Variants in MYBPC1 observed in about 807,000 individuals in gnomAD.
MYBPC1 encodes myosin-binding protein C, slow-type.
MYBPC1 carries 52 observed loss-of-function variants against 147.1 expected under a neutral mutation model. The ratio of observed to expected loss-of-function variants is 0.35; its 90% CI spans 0.28 to 0.45. MYBPC1 has a LOEUF of 0.45. Among genes scored for constraint, MYBPC1 ranks in the 20% least tolerant of loss-of-function variants. The pLI is 1.00. For missense variants in MYBPC1, 1,228 were observed against 1,440.3 expected (o/e 0.85, Z 2.39); for synonymous variants, 477 against 475.9 (o/e 1.00, Z -0.03).
chr12:101,599,914 G>A (rs970842544), intron 1 of MYBPC1, among the ~76,000 whole-genome samples: 3 of 152,202 alleles, frequency 2.0e-5, no homozygotes, highest in African/African-American at 4.8e-5. Context: ...GCAAATGCGT[G>A]CTAGAGGGGC....
chr12:101,610,816 G>A (rs1411878986), intron 1 of MYBPC1, among the ~76,000 whole-genome samples: 1 of 152,144 alleles, frequency 6.6e-6, no homozygotes, highest in African/African-American at 2.4e-5. Flanking sequence ...CCTCTGCCTT[G>A]TCCAACATAG....
At chr12:101,647,282 G>A (rs1893391416) in intron 13 of MYBPC1, among the ~76,000 whole-genome samples, 1 of 152,162 alleles carries the variant, frequency 6.6e-6, no homozygotes, top group Non-Finnish European at 1.5e-5. Flanking sequence ...GAAAAGAGCT[G>A]GAGGGTGTGA....
At chr12:101,686,781 T>C (rs904056350), downstream of MYBPC1, among the ~76,000 whole-genome samples, 1 of 152,134 alleles carries the variant, frequency 6.6e-6, no homozygotes, top group Admixed American at 6.5e-5. Context: ...AGTTCTATGG[T>C]GGTCATGGAT....
intron 12 of MYBPC1, among the ~76,000 whole-genome samples, chr12:101,646,199 T>A (rs1593868685): frequency 6.6e-6 from 1 of 152,104 alleles, no homozygotes; most frequent in Non-Finnish European, 1.5e-5. Context: ...GATTTTTATT[T>A]GAAATAAAAA....
chr12:101,626,088 CAAAAAAAAA>C (rs769008600), intron 3 of MYBPC1, among the ~76,000 whole-genome samples: 1 of 55,076 alleles, frequency 1.8e-5, no homozygotes, highest in African/African-American at 6.5e-5. Context: ...AACTCTGTCT[CAAAAAAAAA>C]AAAAAAAAAA....
At chr12:101,677,143 A>C in intron 26 of MYBPC1, 92 bp from the exon 27 acceptor site, 1 of 1,293,480 alleles carries the variant, frequency 7.7e-7, no homozygotes, top group Non-Finnish European at 1.1e-6. Context: ...TTTTGTTAAT[A>C]AAGCATCCTT....
At chr12:101,655,074 G>C (rs913133733) in intron 18 of MYBPC1, among the ~76,000 whole-genome samples, 1 of 152,050 alleles carries the variant, frequency 6.6e-6, no homozygotes, top group Non-Finnish European at 1.5e-5. Context: ...TCAAAATGAG[G>C]AGAAAAGTCA....
In MYBPC1 at chr12:101,608,990, A is replaced by G. The variant is rs12298254; in HGVS notation, c.26-5506A>G. The stretch of plus-strand genomic sequence containing the variant: ...TATGGATTTCTTGGCAGCAAGGAGA[A>G]GCGGCTTTTGTGCAGGGAGGAACAG... On this transcript the variant is annotated intron_variant, in intron 1 of 31. Transcript: ENST00000361466. Among the ~76,000 whole-genome samples, 1,518 of 152,154 alleles carry G rather than the reference A, an allele frequency of 1.0e-2. 22 individuals carry two copies. Among genetic ancestry groups the G allele is most frequent in the African/African-American group, 0.034 (1,432 of 41,532 alleles).
chr12:101,658,909 T>C (rs183547043), intron 18 of MYBPC1, among the ~76,000 whole-genome samples: 18 of 152,300 alleles, frequency 1.2e-4, no homozygotes, highest in Admixed American at 5.2e-4. Context: ...AGTTTCTAAA[T>C]TACTTTGACC....
At chr12:101,686,688 G>A (rs1951352662), downstream of MYBPC1, among the ~76,000 whole-genome samples, 1 of 152,030 alleles carries the variant, frequency 6.6e-6, no homozygotes, top group Admixed American at 6.5e-5. Flanking sequence ...TAAATATATT[G>A]TGACTTGTTG....
chr12:101,646,657 C>G (rs2136231531), intron 12 of MYBPC1, 106 bp from the exon 13 acceptor site: 1 of 1,330,244 alleles, frequency 7.5e-7, no homozygotes, highest in East Asian at 2.4e-5. Flanking sequence ...ACAACAGATC[C>G]TTGACTTTCA....
chr12:101,667,675 G>C, intron 22 of MYBPC1, 57 bp from the exon 23 acceptor site: 7 of 1,595,766 alleles, frequency 4.4e-6, no homozygotes, highest in Non-Finnish European at 6.0e-6. Context: ...TGGTTAAGAT[G>C]ATTTTTTTCA....
intron 1 of MYBPC1, among the ~76,000 whole-genome samples, chr12:101,602,283 C>T (rs1159664861): frequency 5.3e-5 from 8 of 152,126 alleles, no homozygotes; most frequent in African/African-American, 1.4e-4. Flanking sequence ...GGCATGATCT[C>T]GGCTCACTGC....
the MYBPC1 span, among the ~76,000 whole-genome samples, chr12:101,695,264 T>C: frequency 6.6e-6 from 1 of 152,172 alleles, no homozygotes; most frequent in South Asian, 2.1e-4. Context: ...ATATGTACTA[T>C]GTTGTTTCTA....
downstream of MYBPC1, among the ~76,000 whole-genome samples, chr12:101,687,919 T>C (rs1213145746): frequency 3.9e-5 from 6 of 152,216 alleles, no homozygotes. Context: ...CTTTTCTACA[T>C]ATAATCTTTC....
At chr12:101,624,754 T>C (rs568536196) in intron 3 of MYBPC1, among the ~76,000 whole-genome samples, 4 of 142,160 alleles carry the variant, frequency 2.8e-5, no homozygotes, top group Admixed American at 7.3e-5. Context: ...TCACAAATAT[T>C]CTAGTATTTT....
intron 2 of MYBPC1, among the ~76,000 whole-genome samples, chr12:101,615,524 G>A (rs1565898615): frequency 6.6e-6 from 1 of 152,124 alleles, no homozygotes; most frequent in Admixed American, 6.5e-5. Flanking sequence ...CAGATGTAGT[G>A]GGGAACTCTA....
In MYBPC1 at chr12:101,629,322, G is replaced by C. The variant is rs111754462; in HGVS notation, c.179-112G>C. ...AAAGAATGATGTTGTATTTATCTAG[G>C]TTTATTAGACAAAGAAAAGCTACAG... On this transcript the variant is annotated intron_variant, in intron 5 of 31. Transcript: ENST00000361466. 8.8e-5 allele frequency: 67 copies of C among 758,682 alleles called. 1 individual carries two copies. The South Asian group carries it at 9.5e-4, about 11-fold the overall frequency. 47.0% of individuals were successfully genotyped at this position (758,682 alleles called of 1,614,324 possible). A position where few individuals can be genotyped will look rare whatever the true frequency, so the allele number is the denominator to read the frequency against.
At chr12:101,626,451 C>CAT (rs1284575025) in intron 3 of MYBPC1, among the ~76,000 whole-genome samples, 25 of 152,170 alleles carry the variant, frequency 1.6e-4, no homozygotes, top group African/African-American at 6.0e-4. Context: ...TCAGATAGTA[C>CAT]ATATATAGGC....
Sources: allele counts gnomAD v4.1 joint callset (sites outside exome capture counted in the v4.1 genomes callset), GRCh38; gene constraint gnomAD v4.1.1; transcripts MANE v1.5; gene names NCBI Gene and HGNC (gene_info 2026-07-23, HGNC 2026-07-21).